The following THAP4 variants were observed in gnomAD, a reference collection of about 807,000 sequenced individuals.
THAP4 encodes peroxynitrite isomerase THAP4.
THAP4 carries 18 observed loss-of-function variants against 48.1 expected under a neutral mutation model. The ratio of observed to expected loss-of-function variants is 0.37; its 90% confidence interval spans 0.26 to 0.56. The LOEUF (loss-of-function observed/expected upper bound fraction) is 0.56, where lower values mean the gene tolerates loss of function less well. Among genes scored for constraint, THAP4 ranks in the 20% least tolerant of loss-of-function variants. The pLI is 0.78. For missense variants in THAP4, 656 were observed against 774.9 expected, an observed-to-expected ratio of 0.85 and a Z score of 1.82; for synonymous variants, 345 against 324.9, an observed-to-expected ratio of 1.06 and a Z score of -0.66.
intron 5 of THAP4, among the ~76,000 whole-genome samples, chr2:241,585,823 G>A (rs2066886464): frequency 7.0e-6 from 1 of 142,998 alleles, no homozygotes; most frequent in South Asian, 2.2e-4. Flanking sequence ...TGAGGCAGCA[G>A]AATTGCTTGA....
intron 3 of THAP4, among the ~76,000 whole-genome samples, chr2:241,605,182 C>T (rs144878257): frequency 3.8e-3 from 571 of 152,140 alleles, no homozygotes; most frequent in African/African-American, 0.013. Context: ...CTCATGCATT[C>T]AATCAATAAT....
At chr2:241,621,931 A>C (rs368754995) in intron 2 of THAP4, among the ~76,000 whole-genome samples, 2 of 152,192 alleles carry the variant, frequency 1.3e-5, no homozygotes, top group South Asian at 4.1e-4. Context: ...CTTGTCAGAA[A>C]CCACGCAAGC....
chr2:241,610,205 G>A lies in THAP4; in HGVS notation c.1241-3732C>T, dbSNP rs1174966105. Among the ~76,000 whole-genome samples the A allele has an allele frequency of 6.6e-6, 1 of 152,218 alleles. No individual in the cohort carries two copies. Among genetic ancestry groups the A allele is most frequent in the Non-Finnish European group, 1.5e-5 (1 of 68,020 alleles). On this transcript the variant is annotated intron_variant, in intron 2 of 5. Coordinates refer to ENST00000407315, the MANE Select transcript of THAP4 (RefSeq NM_015963.6). The surrounding 1 kb of genome is among the most constrained non-coding windows in gnomAD (Gnocchi z 4.2). Reference sequence around the variant, plus strand: ...CTCCCCACGAGGCAGGACAGCCCCGGGCTAGGGTGAGGGGCACGCGCCGCA... The same window carrying A: ...CTCCCCACGAGGCAGGACAGCCCCGAGCTAGGGTGAGGGGCACGCGCCGCA...
chr2:241,623,843 T>C (rs1201187353), intron 2 of THAP4, among the ~76,000 whole-genome samples: 3 of 152,020 alleles, frequency 2.0e-5, no homozygotes, highest in Non-Finnish European at 4.4e-5. Context: ...AAAAAAACAA[T>C]CTCTTTCTCT....
intron 2 of THAP4, among the ~76,000 whole-genome samples, chr2:241,607,960 A>C (rs6758789): frequency 0.14 from 19,896 of 138,942 alleles, 1,628 homozygotes; most frequent in Middle Eastern, 0.26. Flanking sequence ...GCAAAAGCAG[A>C]AGACAGACTG....
intron 3 of THAP4, among the ~76,000 whole-genome samples, chr2:241,606,073 A>T (rs2067179898): frequency 6.6e-6 from 1 of 152,244 alleles, no homozygotes; most frequent in African/African-American, 2.4e-5. Flanking sequence ...TTGGATTAAC[A>T]AGCCTGTAAT....
chr2:241,617,424 T>C (rs1229607073), intron 2 of THAP4: 2 of 1,551,364 alleles, frequency 1.3e-6, no homozygotes, highest in Non-Finnish European at 1.7e-6. Context: ...ATCCCTAAGT[T>C]TTCTAAACTC....
chr2:241,584,542 T>C lies in THAP4; in HGVS notation c.*64A>G. The C allele has an allele frequency of 6.3e-7, 1 of 1,595,856 alleles. No individual in the cohort carries two copies. Among genetic ancestry groups the C allele is most frequent in the Non-Finnish European group, 8.6e-7 (1 of 1,164,866 alleles). ...CCACTTCTGCCGCAGGGACTGTCTGTTGAGGAGCCGAACCGTTGAGGCACA... is the reference window on the plus strand; with the variant it reads ...CCACTTCTGCCGCAGGGACTGTCTGCTGAGGAGCCGAACCGTTGAGGCACA... On this transcript the variant is annotated 3_prime_UTR_variant, in exon 6 of 6. Coordinates refer to ENST00000407315, the MANE Select transcript of THAP4 (RefSeq NM_015963.6).
At position 241,616,349 on chromosome 2, in the gene THAP4, A is replaced by G. The variant is rs2067347468; in HGVS notation, c.1241-9876T>C. On this transcript the variant is annotated intron_variant, in intron 2 of 5. Coordinates refer to ENST00000407315, the MANE Select transcript of THAP4 (RefSeq NM_015963.6). The surrounding 1 kb of genome is among the most constrained non-coding windows in gnomAD (Gnocchi z 4.6). ...CAGTGAGAAGGGCGGGTGCAGGCGC[A>G]CGAGAGCTGAGGGCGAGCCCTGGCA... Among the ~76,000 whole-genome samples the G allele has an allele frequency of 6.6e-6, 1 of 152,194 alleles. No homozygotes were observed. Among genetic ancestry groups the G allele is most frequent in the African/African-American group, 2.4e-5 (1 of 41,456 alleles).
chr2:241,586,113 C>T (rs1486250839), intron 5 of THAP4, among the ~76,000 whole-genome samples: 8 of 150,620 alleles, frequency 5.3e-5, no homozygotes, highest in East Asian at 2.0e-4. Flanking sequence ...AAAAATTAGC[C>T]GGGTGTGGTG....
intron 2 of THAP4, among the ~76,000 whole-genome samples, chr2:241,627,421 G>A (rs139149184): frequency 2.0e-5 from 3 of 152,334 alleles, no homozygotes; most frequent in Non-Finnish European, 4.4e-5. Flanking sequence ...GCAAGACCGC[G>A]AACACGTGGT....
intron 5 of THAP4, among the ~76,000 whole-genome samples, chr2:241,588,828 G>A (rs1302104757): frequency 6.6e-6 from 1 of 152,156 alleles, no homozygotes; most frequent in African/African-American, 2.4e-5. Flanking sequence ...GAAAATGCAG[G>A]TGAAAATCTT....
chr2:241,587,521 T>C (rs2066908439), intron 5 of THAP4, among the ~76,000 whole-genome samples: 1 of 152,194 alleles, frequency 6.6e-6, no homozygotes, highest in Admixed American at 6.5e-5. Flanking sequence ...TTATAACTAT[T>C]GAATGCTACA....
At chr2:241,591,749 A>T (rs187757952) in intron 5 of THAP4, among the ~76,000 whole-genome samples, 441 of 152,330 alleles carry the variant, frequency 2.9e-3, no homozygotes, top group Non-Finnish European at 4.5e-3. Flanking sequence ...TAAAGGAAAG[A>T]TTTTAGGTTG....
chr2:241,619,702 T>C (rs1161195734), intron 2 of THAP4, among the ~76,000 whole-genome samples: 1 of 144,080 alleles, frequency 6.9e-6, no homozygotes, highest in African/African-American at 2.6e-5. Flanking sequence ...GGTGAGTGAG[T>C]CGGTGAGTGA....
At chr2:241,586,219 T>G (rs1161429203) in intron 5 of THAP4, among the ~76,000 whole-genome samples, 1 of 137,022 alleles carries the variant, frequency 7.3e-6, no homozygotes, top group African/African-American at 2.8e-5. Flanking sequence ...ATCGCGCCAC[T>G]GCACTCCAGC....
intron 2 of THAP4, among the ~76,000 whole-genome samples, chr2:241,607,993 C>A (rs1342289955): frequency 6.9e-6 from 1 of 145,356 alleles, no homozygotes; most frequent in Non-Finnish European, 1.5e-5. Context: ...TCAGGACTGA[C>A]CCCCAGTGTC....
intron 2 of THAP4, among the ~76,000 whole-genome samples, 153 bp from the exon 3 acceptor site, chr2:241,606,626 A>G (rs1283200753): frequency 6.6e-6 from 1 of 152,196 alleles, no homozygotes; most frequent in Admixed American, 6.5e-5. Context: ...TGGTCAAGCA[A>G]CTGTAAATGT....
At chr2:241,587,968 A>C (rs2066912639) in intron 5 of THAP4, among the ~76,000 whole-genome samples, 1 of 151,484 alleles carries the variant, frequency 6.6e-6, no homozygotes, top group South Asian at 2.1e-4. Context: ...CAGCCTGGGC[A>C]ACACAGAATA....
Sources: gnomAD v4.1 joint callset for allele counts (sites outside exome capture counted in the v4.1 genomes callset) on GRCh38, gnomAD v4.1.1 for gene constraint, Gnocchi (gnomAD v3.1) non-coding constraint, MANE v1.5 for transcripts, NCBI Gene and HGNC (gene_info 2026-07-23, HGNC 2026-07-21) for gene names.